The following PTPRG variants were observed in gnomAD, a reference collection of about 807,000 sequenced individuals.
PTPRG encodes protein tyrosine phosphatase receptor type G.
PTPRG carries 102 observed loss-of-function variants against 165.3 expected under a neutral mutation model. That is an observed-to-expected ratio of 0.62 (90% CI 0.53 to 0.73). The LOEUF is 0.73. Ranked by LOEUF, PTPRG falls within the 30% of genes least tolerant of loss-of-function variation. The pLI, the probability that PTPRG is intolerant of heterozygous loss-of-function variation, is 0.00. For missense variants in PTPRG, 1,866 were observed against 1,861.4 expected (o/e 1.00, Z -0.05); for synonymous variants, 675 against 669.5 (o/e 1.01, Z -0.13).
intron 5 of PTPRG, among the ~76,000 whole-genome samples, chr3:62,117,698 A>G (rs1452688116): frequency 6.6e-6 from 1 of 152,246 alleles, no homozygotes; most frequent in East Asian, 1.9e-4. Context: ...TCTGGTTAAC[A>G]TAGTATTAAT....
intron 7 of PTPRG, among the ~76,000 whole-genome samples, chr3:62,163,553 A>C (rs1317472341): frequency 6.6e-6 from 1 of 152,244 alleles, no homozygotes; most frequent in Non-Finnish European, 1.5e-5. Flanking sequence ...TAAAGTACTT[A>C]AAGAAGTACC....
At chr3:61,888,662 A>G (rs1321927315) in intron 2 of PTPRG, among the ~76,000 whole-genome samples, 4 of 152,334 alleles carry the variant, frequency 2.6e-5, no homozygotes, top group Middle Eastern at 3.4e-3. Context: ...TAACAAAAGT[A>G]TAGTTATCTG....
At chr3:61,994,887 C>A (rs917234098) in intron 3 of PTPRG, among the ~76,000 whole-genome samples, 1 of 152,048 alleles carries the variant, frequency 6.6e-6, no homozygotes, top group African/African-American at 2.4e-5. Flanking sequence ...CAAGGTCAAG[C>A]AAGTATCTGG....
chr3:61,865,371 G>C (rs1460708449), intron 2 of PTPRG, among the ~76,000 whole-genome samples: 1 of 152,186 alleles, frequency 6.6e-6, no homozygotes, highest in Non-Finnish European at 1.5e-5. Context: ...ATCCCACAAG[G>C]AATGTGTTGT....
rs571602610 is a variant in PTPRG, at chr3:62,055,243, A to C, written c.520-22920A>C. 2.0e-5 allele frequency among the ~76,000 whole-genome samples: 3 copies of C among 152,340 alleles called. No homozygotes were observed. The South Asian group carries it at 6.2e-4, about 32-fold the overall frequency. ...GGACTATTATTATACCATTATACTC[A>C]TTTTAAAGATGATACCATACTTAGT... is the stretch of plus-strand genomic sequence containing the variant. On this transcript the variant is annotated intron_variant, in intron 4 of 29. Coordinates refer to ENST00000474889, the MANE Select transcript of PTPRG (RefSeq NM_002841.4).
At chr3:61,585,280 C>CAAA (rs3039784) in intron 1 of PTPRG, among the ~76,000 whole-genome samples, 1 of 81,324 alleles carries the variant, frequency 1.2e-5, no homozygotes, top group Non-Finnish European at 2.9e-5. Context: ...GACCCTGTCT[C>CAAA]AAAAAAAAAA....
chr3:61,710,760 T>G (rs916431335), intron 1 of PTPRG, among the ~76,000 whole-genome samples: 4 of 152,100 alleles, frequency 2.6e-5, no homozygotes. Context: ...TATAGTTTTC[T>G]CTTTACTTTC....
At chr3:62,082,373 CA>C (rs1268633824) in intron 5 of PTPRG, among the ~76,000 whole-genome samples, 2 of 152,146 alleles carry the variant, frequency 1.3e-5, no homozygotes, top group East Asian at 3.9e-4. Flanking sequence ...TCTGGTTGTC[CA>C]ATGAACCCTT....
rs1364034043 is a variant in PTPRG, at chr3:62,203,008, A to G, written c.1378-165A>G. ...AATAAAAGTTGATCACCCATGGACC[A>G]CCTAATGTCAACTTTATGCCATACA... On this transcript the variant is annotated intron_variant, in intron 11 of 29. Coordinates refer to ENST00000474889, the MANE Select transcript of PTPRG (RefSeq NM_002841.4). This position sits in a 1 kb window ranked among gnomAD's most constrained non-coding sequence, Gnocchi z 6.4. 1.3e-5 allele frequency among the ~76,000 whole-genome samples: 2 copies of G among 152,204 alleles called. No individual in the cohort carries two copies. Among genetic ancestry groups the G allele is most frequent in the East Asian group, 3.8e-4 (2 of 5,196 alleles).
At chr3:62,243,367 G>A (rs977238577) in intron 14 of PTPRG, among the ~76,000 whole-genome samples, 3 of 152,126 alleles carry the variant, frequency 2.0e-5, no homozygotes, top group African/African-American at 7.2e-5. Context: ...TGGTGCTATT[G>A]TGTACTTGGG....
At chr3:61,852,037 A>G (rs912154906) in intron 2 of PTPRG, among the ~76,000 whole-genome samples, 7 of 152,290 alleles carry the variant, frequency 4.6e-5, no homozygotes, top group African/African-American at 1.7e-4. Context: ...TAACTAATAC[A>G]ATGTTGATAC....
At chr3:62,160,563 A>G (rs1290008315) in intron 7 of PTPRG, among the ~76,000 whole-genome samples, 1 of 152,264 alleles carries the variant, frequency 6.6e-6, no homozygotes, top group African/African-American at 2.4e-5. Flanking sequence ...GAGCCGGACA[A>G]CACATGGAGA....
At chr3:62,166,987 G>A (rs1342434970) in intron 7 of PTPRG, among the ~76,000 whole-genome samples, 1 of 152,048 alleles carries the variant, frequency 6.6e-6, no homozygotes. Context: ...CTGGCCCAAA[G>A]AATCCCTTTT....
At chr3:61,805,267 G>A (rs901826967) in intron 2 of PTPRG, among the ~76,000 whole-genome samples, 2 of 152,098 alleles carry the variant, frequency 1.3e-5, no homozygotes, top group Non-Finnish European at 2.9e-5. Context: ...AGAGGCCAAG[G>A]ATGCTGCTGA....
chr3:62,201,041 G>A (rs1206388479), intron 10 of PTPRG, among the ~76,000 whole-genome samples: 1 of 152,128 alleles, frequency 6.6e-6, no homozygotes, highest in African/African-American at 2.4e-5. Context: ...GGCTAGCTTT[G>A]GGGGTGGAGG....
intron 2 of PTPRG, among the ~76,000 whole-genome samples, chr3:61,777,467 C>T (rs59622482): frequency 0.16 from 23,711 of 152,170 alleles, 2,372 homozygotes; most frequent in East Asian, 0.46. Flanking sequence ...AATACATTTT[C>T]TAGGCCCTGG....
chr3:61,976,301 A>C (rs1437937931), intron 2 of PTPRG, among the ~76,000 whole-genome samples: 1 of 152,186 alleles, frequency 6.6e-6, no homozygotes, highest in Non-Finnish European at 1.5e-5. Flanking sequence ...ACAGCTTGAC[A>C]AAGGAGATGG....
intron 4 of PTPRG, among the ~76,000 whole-genome samples, chr3:62,072,969 T>TA (rs1701258631): frequency 6.6e-6 from 1 of 151,976 alleles, no homozygotes; most frequent in South Asian, 2.1e-4. Flanking sequence ...TAGGAGTTGC[T>TA]AAAAAATAAA....
At chr3:61,926,049 A>G (rs906401525) in intron 2 of PTPRG, 1 of 428,188 alleles carries the variant, frequency 2.3e-6, no homozygotes, top group Non-Finnish European at 4.7e-6. Flanking sequence ...CAGAATAGAA[A>G]CCGCATTTTA....
Sources: gnomAD v4.1 joint callset for allele counts (sites outside exome capture counted in the v4.1 genomes callset) on GRCh38, gnomAD v4.1.1 for gene constraint, Gnocchi (gnomAD v3.1) non-coding constraint, MANE v1.5 for transcripts, NCBI Gene and HGNC (gene_info 2026-07-23, HGNC 2026-07-21) for gene names.